The following GLIS3 variants were observed in gnomAD, a reference collection of about 807,000 sequenced individuals.
GLIS3 encodes the protein zinc finger protein GLIS3.
Under a neutral mutation model 78.6 loss-of-function variants are expected in GLIS3, and 53 were observed. That is an observed-to-expected ratio of 0.67 (90% CI 0.54 to 0.85). The LOEUF is 0.85. GLIS3 is among the 40% of genes least tolerant of loss of function. The probability of loss-of-function intolerance (pLI) is 0.00; values close to 1 mark genes in which losing one functional copy is unlikely to be tolerated. For missense variants in GLIS3, 1,703 were observed against 1,231.1 expected, an observed-to-expected ratio of 1.38 and a Z score of -5.74; for synonymous variants, 684 against 509.9, an observed-to-expected ratio of 1.34 and a Z score of -4.60.
chr9:3,829,329 C>T lies in GLIS3; in HGVS notation c.2637G>A (p.Ser879=), dbSNP rs769104983. The part of the protein sequence containing the change: ...ASFDVFHRAF[S]THSGITVYDL... Reference sequence around the variant, plus strand: ...ACACACCTGTAATGCCCGAGTGAGTCGAGAAGGCTCTGTGGAAAACATCAA... The same window carrying T: ...ACACACCTGTAATGCCCGAGTGAGTTGAGAAGGCTCTGTGGAAAACATCAA... The change falls in exon 10 of 11, where the codon TCG becomes TCA. Residue 879 remains serine, a synonymous_variant. Coordinates refer to ENST00000381971, the MANE Select transcript of GLIS3 (RefSeq NM_001042413.2). 4.8e-5 allele frequency: 77 copies of T among 1,613,782 alleles called. 1 individual carries two copies. Among genetic ancestry groups the T allele is most frequent in the East Asian group, 2.7e-4 (12 of 44,862 alleles).
intron 4 of GLIS3, among the ~76,000 whole-genome samples, chr9:4,084,256 A>ACACACACACACACAC (rs1828812518): frequency 7.6e-6 from 1 of 132,116 alleles, no homozygotes; most frequent in Non-Finnish European, 1.6e-5. Context: ...TCCTCTCTCT[A>ACACACACACACACAC]ACACACACAC....
At chr9:4,217,822 A>G (rs746970) in intron 2 of GLIS3, among the ~76,000 whole-genome samples, 36,982 of 152,204 alleles carry the variant, frequency 0.24, 5,359 homozygotes, top group Non-Finnish European at 0.33. Context: ...AAACAAAGGG[A>G]TTTCCGTGGA....
the GLIS3 span, among the ~76,000 whole-genome samples, chr9:4,405,096 T>C: frequency 5.9e-5 from 9 of 152,152 alleles, no homozygotes; most frequent in African/African-American, 1.2e-4. Context: ...GGCTCATGCC[T>C]GTAATCCCAG....
At chr9:4,035,552 T>C (rs554117389) in intron 4 of GLIS3, among the ~76,000 whole-genome samples, 1 of 152,106 alleles carries the variant, frequency 6.6e-6, no homozygotes, top group South Asian at 2.1e-4. Flanking sequence ...GCCAGTGGCC[T>C]AGTTGAGGCT....
At chr9:4,381,136 TA>T in the GLIS3 span, among the ~76,000 whole-genome samples, 442 of 152,278 alleles carry the variant, frequency 2.9e-3, 8 homozygotes, top group East Asian at 0.037. Context: ...GAGAAAACAG[TA>T]AAAATGTGAA....
At chr9:3,846,185 C>A (rs1819027905) in intron 9 of GLIS3, among the ~76,000 whole-genome samples, 1 of 152,184 alleles carries the variant, frequency 6.6e-6, no homozygotes, top group South Asian at 2.1e-4. Context: ...CTATAAGGAA[C>A]CGCATATTTA....
chr9:3,872,672 TC>T (rs1821041975), intron 8 of GLIS3, among the ~76,000 whole-genome samples: 1 of 152,096 alleles, frequency 6.6e-6, no homozygotes, highest in Non-Finnish European at 1.5e-5. Flanking sequence ...AACAGATCCC[TC>T]CCACAACACG....
intron 2 of GLIS3, 199 bp downstream of exon 2, chr9:4,285,839 T>C: frequency 1.5e-6 from 1 of 646,516 alleles, no homozygotes; most frequent in Non-Finnish European, 2.7e-6. Flanking sequence ...TGTCTCATAC[T>C]CAGCATTTAC....
chr9:4,405,422 T>A, the GLIS3 span, among the ~76,000 whole-genome samples: 1 of 151,066 alleles, frequency 6.6e-6, no homozygotes, highest in African/African-American at 2.4e-5. Flanking sequence ...GAAATTCAAA[T>A]GATCATTAGT....
intron 4 of GLIS3, among the ~76,000 whole-genome samples, chr9:3,987,864 A>C (rs1227649725): frequency 6.6e-6 from 1 of 151,776 alleles, no homozygotes; most frequent in Non-Finnish European, 1.5e-5. Flanking sequence ...ATATACACTA[A>C]AACACATCAT....
chr9:3,870,287 A>T (rs989856414), intron 8 of GLIS3, among the ~76,000 whole-genome samples: 1 of 152,216 alleles, frequency 6.6e-6, no homozygotes, highest in Non-Finnish European at 1.5e-5. Context: ...CAAGAATTCA[A>T]TACCAGAAAG....
At chr9:3,961,036 C>T (rs962278769) in intron 4 of GLIS3, among the ~76,000 whole-genome samples, 1 of 152,094 alleles carries the variant, frequency 6.6e-6, no homozygotes, top group Non-Finnish European at 1.5e-5. Context: ...CCAATTATTC[C>T]CCGGTTGCTA....
intron 4 of GLIS3, among the ~76,000 whole-genome samples, chr9:4,091,319 A>G (rs943873266): frequency 2.6e-5 from 4 of 152,202 alleles, no homozygotes; most frequent in African/African-American, 9.6e-5. Flanking sequence ...GTGGGTCATG[A>G]TCAGATCATC....
intron 2 of GLIS3, among the ~76,000 whole-genome samples, chr9:4,139,007 A>G (rs1833611028): frequency 6.6e-6 from 1 of 152,218 alleles, no homozygotes; most frequent in African/African-American, 2.4e-5. Context: ...GCAGGAAACC[A>G]AGCTAGTAAG....
At chr9:4,482,229 C>A in the GLIS3 span, among the ~76,000 whole-genome samples, 2 of 152,130 alleles carry the variant, frequency 1.3e-5, no homozygotes, top group African/African-American at 2.4e-5. Context: ...TCAGAGTGAG[C>A]AATAAAGCCC....
chr9:3,930,861 A>G (rs1180825564), intron 6 of GLIS3, among the ~76,000 whole-genome samples: 1 of 152,176 alleles, frequency 6.6e-6, no homozygotes. Context: ...ATCATTTATT[A>G]CTTCAAATTT....
chr9:3,848,011 C>T (rs1474022803), intron 9 of GLIS3, among the ~76,000 whole-genome samples: 3 of 152,232 alleles, frequency 2.0e-5, no homozygotes, highest in Non-Finnish European at 4.4e-5. Flanking sequence ...TCACAACTTT[C>T]TCCATGAAAT....
chr9:4,359,356 T>C, the GLIS3 span, among the ~76,000 whole-genome samples: 1 of 152,214 alleles, frequency 6.6e-6, no homozygotes, highest in Non-Finnish European at 1.5e-5. Flanking sequence ...AAACTGCTTT[T>C]GGAATCACTG....
In GLIS3 at chr9:4,005,986, G is replaced by T. The variant is rs552168612; in HGVS notation, c.1711-68797C>A. ...CATAGACAGAAATGTGAGTGTATTT[G>T]CCATGTGGACATAACATCTTTACAG... On this transcript the variant is annotated intron_variant, in intron 4 of 10. Transcript: ENST00000381971. Among the ~76,000 whole-genome samples the T allele has an allele frequency of 1.3e-4, 20 of 152,236 alleles. 2 individuals are homozygous for T. The South Asian group carries it at 3.9e-3, about 30-fold the overall frequency.
Sources: gnomAD v4.1 joint callset for allele counts (sites outside exome capture counted in the v4.1 genomes callset) on GRCh38, gnomAD v4.1.1 for gene constraint, MANE v1.5 for transcripts, NCBI Gene and HGNC (gene_info 2026-07-23, HGNC 2026-07-21) for gene names.